The following CCDC178 variants were observed in gnomAD, a reference collection of about 807,000 sequenced individuals.
The protein encoded by CCDC178 is coiled-coil domain containing 178, also known as coiled-coil domain-containing protein 178.
A neutral mutation model predicts 117.4 loss-of-function variants in CCDC178; 126 were observed. That is an observed-to-expected ratio of 1.07 (90% confidence interval 0.93 to 1.24). The LOEUF (loss-of-function observed/expected upper bound fraction) is 1.24. Among genes scored for constraint, CCDC178 ranks in the 50% most tolerant of loss-of-function variants. The probability of loss-of-function intolerance (pLI) is 0.00; values close to 1 mark genes in which losing one functional copy is unlikely to be tolerated. For synonymous variants in CCDC178, 283 were observed against 313.4 expected (o/e 0.90, Z 1.02); for missense variants, 1,030 against 986.9 (o/e 1.04, Z -0.59).
chr18:33,309,895 T>A (rs1328046549), intron 11 of CCDC178, among the ~76,000 whole-genome samples: 2 of 152,022 alleles, frequency 1.3e-5, no homozygotes, highest in Admixed American at 6.5e-5. Context: ...TGGTAAATAT[T>A]TGTCCAAAAC....
At position 33,437,625 on chromosome 18, in the gene CCDC178, G is replaced by C. The variant is rs1389228625; in HGVS notation, c.-23+2337C>G. ...CATAGATATAAATTAATATAAAATA[G>C]ACATATCATGATTAAAGTAGTTTAA... On this transcript the variant is annotated intron_variant, in intron 2 of 22. Coordinates refer to ENST00000383096, the MANE Select transcript of CCDC178 (RefSeq NM_001105528.4). 2.0e-5 allele frequency: 3 copies of C among 152,294 alleles called. No individual in the cohort carries two copies. The East Asian group carries it at 5.8e-4, about 29-fold the overall frequency. The allele number at this position is 152,294 out of a possible 1,614,324, so 9.4% of individuals were successfully genotyped here.
Position 33,389,529 on chromosome 18 carries a change from T to A in CCDC178, c.208+11A>T. On this transcript the variant is annotated intron_variant, in intron 5 of 22. Coordinates refer to ENST00000383096, the MANE Select transcript of CCDC178 (RefSeq NM_001105528.4). ...ATATAGTTTACTATATGATTTACATTCAGTCCTCACCTTCAGTATTTGTCA... is the reference window on the plus strand; with the variant it reads ...ATATAGTTTACTATATGATTTACATACAGTCCTCACCTTCAGTATTTGTCA... 7.3e-7 allele frequency: 1 copy of A among 1,372,692 alleles called. No individual in the cohort carries two copies. The highest frequency in any genetic ancestry group is 9.8e-7 in the Non-Finnish European group (1 of 1,018,154). The allele number at this position is 1,372,692 out of a possible 1,614,324, so 85.0% of individuals were successfully genotyped here.
At chr18:33,127,975 T>C (rs1261606567) in intron 20 of CCDC178, among the ~76,000 whole-genome samples, 1 of 152,068 alleles carries the variant, frequency 6.6e-6, no homozygotes. Flanking sequence ...CCATCTGATA[T>C]GGGTGAAACT....
At chr18:33,394,943 G>GTGTATATATA (rs1222110972) in intron 4 of CCDC178, among the ~76,000 whole-genome samples, 4 of 61,506 alleles carry the variant, frequency 6.5e-5, no homozygotes, top group African/African-American at 2.4e-4. Context: ...ATATGTATGT[G>GTGTATATATA]TATATATATA....
chr18:33,237,772 G>GA (rs1232624754), intron 15 of CCDC178, among the ~76,000 whole-genome samples: 9 of 144,638 alleles, frequency 6.2e-5, no homozygotes, highest in African/African-American at 1.6e-4. Flanking sequence ...TCCCAAGACT[G>GA]AAAAAAACAA....
At chr18:33,126,890 CAG>C (rs2058011345) in intron 20 of CCDC178, among the ~76,000 whole-genome samples, 1 of 151,430 alleles carries the variant, frequency 6.6e-6, no homozygotes, top group Admixed American at 6.6e-5. Flanking sequence ...CTCCTGACCT[CAG>C]ATGATCCCCA....
At chr18:33,290,592 A>G (rs1014542309) in intron 12 of CCDC178, among the ~76,000 whole-genome samples, 3 of 152,136 alleles carry the variant, frequency 2.0e-5, no homozygotes, top group Non-Finnish European at 2.9e-5. Flanking sequence ...AAAATTTTAA[A>G]TAAATGAACC....
chr18:33,346,152 T>C, intron 9 of CCDC178, 59 bp downstream of exon 9: 1 of 1,292,048 alleles, frequency 7.7e-7, no homozygotes, highest in Admixed American at 2.0e-5. Flanking sequence ...TACAGACCTG[T>C]AATTAATTAT....
At chr18:33,430,968 G>C (rs1287899939) in intron 2 of CCDC178, among the ~76,000 whole-genome samples, 1 of 151,682 alleles carries the variant, frequency 6.6e-6, no homozygotes, top group Non-Finnish European at 1.5e-5. Flanking sequence ...CCAGCTACTC[G>C]GGAGGCTGAG....
At chr18:33,204,973 A>G (rs922087104) in intron 20 of CCDC178, among the ~76,000 whole-genome samples, 1 of 152,092 alleles carries the variant, frequency 6.6e-6, no homozygotes, top group Non-Finnish European at 1.5e-5. Flanking sequence ...AACAGAAGAA[A>G]AGGGGCCAAA....
intron 21 of CCDC178, among the ~76,000 whole-genome samples, chr18:33,008,957 T>G (rs922838165): frequency 6.6e-6 from 1 of 152,106 alleles, no homozygotes; most frequent in African/African-American, 2.4e-5. Context: ...ACTGATTTCC[T>G]GATATTTCTC....
chr18:33,418,289 C>T (rs940056438), intron 2 of CCDC178, among the ~76,000 whole-genome samples: 7 of 152,068 alleles, frequency 4.6e-5, no homozygotes, highest in Non-Finnish European at 1.0e-4. Flanking sequence ...ATTTAACATC[C>T]ATTCATGTTA....
intron 6 of CCDC178, among the ~76,000 whole-genome samples, chr18:33,360,864 A>G (rs1267969089): frequency 2.0e-5 from 3 of 151,752 alleles, no homozygotes; most frequent in African/African-American, 7.2e-5. Flanking sequence ...ATAAATGAAT[A>G]AATATGTGTT....
rs1182439547 is a variant in CCDC178 at position 33,038,784 on chromosome 18, T to C, written c.2388+53977A>G. Among the ~76,000 whole-genome samples the C allele has an allele frequency of 2.0e-5, 3 of 151,988 alleles. No homozygotes were observed. In the East Asian group the frequency reaches 5.8e-4, roughly 29 times the overall value. On this transcript the variant is annotated intron_variant, in intron 21 of 22. Coordinates refer to ENST00000383096, the MANE Select transcript of CCDC178 (RefSeq NM_001105528.4). The stretch of plus-strand genomic sequence containing the variant: ...AAATGGAATCTTAAGACAACTTAAA[T>C]GTAGACGAAGTGACAATAGGACTCC...
At chr18:33,120,023 C>T (rs938441002) in intron 20 of CCDC178, among the ~76,000 whole-genome samples, 6 of 147,924 alleles carry the variant, frequency 4.1e-5, no homozygotes, top group South Asian at 2.3e-4. Context: ...CATCACACAC[C>T]GGGGCCTGTC....
chr18:33,036,157 G>A (rs112286001), intron 21 of CCDC178, among the ~76,000 whole-genome samples: 1 of 151,882 alleles, frequency 6.6e-6, no homozygotes, highest in African/African-American at 2.4e-5. Flanking sequence ...GAATACCTAT[G>A]TGATTAGTCA....
At chr18:33,127,726 G>A (rs2058025053) in intron 20 of CCDC178, among the ~76,000 whole-genome samples, 1 of 152,042 alleles carries the variant, frequency 6.6e-6, no homozygotes. Flanking sequence ...GAGCCACCAC[G>A]CCCAGCCCTG....
intron 12 of CCDC178, among the ~76,000 whole-genome samples, chr18:33,283,997 A>G (rs1020385444): frequency 7.2e-5 from 11 of 152,252 alleles, no homozygotes; most frequent in African/African-American, 2.7e-4. Context: ...AAGACATGGA[A>G]TCAAACCTAA....
At chr18:33,399,293 G>A (rs1196418396) in intron 3 of CCDC178, among the ~76,000 whole-genome samples, 2 of 152,178 alleles carry the variant, frequency 1.3e-5, no homozygotes, top group Non-Finnish European at 2.9e-5. Flanking sequence ...GATGGCTGCT[G>A]ACTGATCAAG....
Sources: allele counts gnomAD v4.1 joint callset (sites outside exome capture counted in the v4.1 genomes callset), GRCh38; gene constraint gnomAD v4.1.1; transcripts MANE v1.5; gene names NCBI Gene and HGNC (gene_info 2026-07-23, HGNC 2026-07-21).